The following IRAG1 variants were observed in gnomAD, a reference collection of about 807,000 sequenced individuals.
IRAG1 encodes the protein IP3R-associated cGMP kinase substrate.
Under a neutral mutation model 106.2 loss-of-function variants are expected in IRAG1, and 62 were observed. The ratio of observed to expected loss-of-function variants is 0.58; its 90% CI spans 0.48 to 0.72. The LOEUF is 0.72. IRAG1 is among the 30% of genes least tolerant of loss of function. The probability of loss-of-function intolerance (pLI) is 0.00; values close to 1 mark genes in which losing one functional copy is unlikely to be tolerated. For missense variants in IRAG1, 1,064 were observed against 1,140.7 expected (o/e 0.93, Z 0.97); for synonymous variants, 462 against 443.9 (o/e 1.04, Z -0.51).
chr11:10,584,409 C>T (rs959091802), intron 18 of IRAG1, among the ~76,000 whole-genome samples: 2 of 152,066 alleles, frequency 1.3e-5, no homozygotes, highest in Non-Finnish European at 1.5e-5. Flanking sequence ...CATAACATTT[C>T]TCCTTTTGCA....
chr11:10,616,290 CA>C (rs71034776), intron 10 of IRAG1, among the ~76,000 whole-genome samples: 1,779 of 117,312 alleles, frequency 0.015, 14 homozygotes, highest in Middle Eastern at 0.022. Flanking sequence ...GACTCCATCT[CA>C]AAAAAAAAAA....
intron 10 of IRAG1, among the ~76,000 whole-genome samples, chr11:10,611,288 G>A (rs535831451): frequency 1.3e-5 from 2 of 152,052 alleles, no homozygotes; most frequent in Non-Finnish European, 2.9e-5. Flanking sequence ...GTTCTGTCCT[G>A]GTATTTATAG....
At chr11:10,584,130 A>G (rs375637423) in intron 18 of IRAG1, among the ~76,000 whole-genome samples, 295 of 152,248 alleles carry the variant, frequency 1.9e-3, no homozygotes, top group African/African-American at 6.6e-3. Context: ...CTGATTCCCA[A>G]TGGGAGCAAT....
In IRAG1 at chr11:10,680,413, G is replaced by GAAA. The variant is rs1491246284; in HGVS notation, c.67+13122_67+13123insTTT. ...GGAAGGAAGGAAGGAAGGAAAGAAA[G>GAAA]GGAAAGAAAGAAAGAGAGGGAAGGA... On this transcript the variant is annotated intron_variant, in intron 1 of 20. Coordinates refer to ENST00000423302, the MANE Select transcript of IRAG1 (RefSeq NM_130385.4). 1.3e-3 allele frequency among the ~76,000 whole-genome samples: 83 copies of GAAA among 65,696 alleles called. 1 individual carries two copies. The highest frequency in any genetic ancestry group is 2.7e-3 in the African/African-American group (36 of 13,476). The allele number at this position is 65,696 out of a possible 152,430, so 43.1% of individuals were successfully genotyped here.
At position 10,659,195 on chromosome 11, in the gene IRAG1, C is replaced by T. The variant is rs1049386370; in HGVS notation, c.68-7013G>A. ...ACATGAGGCCTAGTGTGGAATCCCT[C>T]CTGGAAGAGAGCCAGCCACAGTGTC... On this transcript the variant is annotated intron_variant, in intron 1 of 20. Coordinates refer to ENST00000423302, the MANE Select transcript of IRAG1 (RefSeq NM_130385.4). The surrounding 1 kb of genome is among the most constrained non-coding windows in gnomAD (Gnocchi z 4.1). 6.6e-6 allele frequency among the ~76,000 whole-genome samples: 1 copy of T among 152,202 alleles called. No homozygotes were observed.
intron 1 of IRAG1, among the ~76,000 whole-genome samples, chr11:10,667,624 G>T (rs1859889598): frequency 6.6e-6 from 1 of 152,148 alleles, no homozygotes; most frequent in South Asian, 2.1e-4. Context: ...TAGGTGGAGG[G>T]TGGTTCTCCT....
chr11:10,645,156 T>C lies in IRAG1; in HGVS notation c.225+6869A>G, dbSNP rs190445927. On this transcript the variant is annotated intron_variant, in intron 2 of 20. Coordinates refer to ENST00000423302, the MANE Select transcript of IRAG1 (RefSeq NM_130385.4). ...ATTTATTGAGCAAATTCAATAAACA[T>C]TGACTGAGTAAATGTACTTCAATTC... Among the ~76,000 whole-genome samples, 5 of 152,330 alleles carry C rather than the reference T, an allele frequency of 3.3e-5. No individual in the cohort carries two copies. In the East Asian group the frequency reaches 7.7e-4, roughly 23 times the overall value.
chr11:10,680,010 G>A (rs950370395), intron 1 of IRAG1, among the ~76,000 whole-genome samples: 1 of 151,908 alleles, frequency 6.6e-6, no homozygotes, highest in South Asian at 2.1e-4. Flanking sequence ...ACAGTGGCTC[G>A]CACCTCTAAT....
Position 10,627,806 on chromosome 11 carries a change from C to T in IRAG1, c.706-46G>A, listed in dbSNP as rs11042899. The T allele has an allele frequency of 9.0e-3, 14,587 of 1,612,416 alleles. 1,095 individuals carry two copies. The African/African-American group carries it at 0.17, about 18-fold the overall frequency. On this transcript the variant is annotated intron_variant, in intron 7 of 20. Transcript: ENST00000423302. Reference sequence around the variant, plus strand: ...GAGTCAGTCAGCAATGGGAAGAGACCGTGTTTCCTCTTGAAATATCCCCAA... The same window carrying T: ...GAGTCAGTCAGCAATGGGAAGAGACTGTGTTTCCTCTTGAAATATCCCCAA...
chr11:10,602,759 G>C (rs1854139457), intron 14 of IRAG1, among the ~76,000 whole-genome samples: 1 of 152,180 alleles, frequency 6.6e-6, no homozygotes, highest in Admixed American at 6.5e-5. Context: ...GGAGAGCTGT[G>C]GGGGGAATTC....
chr11:10,641,664 G>C (rs1323460523), intron 2 of IRAG1, among the ~76,000 whole-genome samples: 1 of 152,190 alleles, frequency 6.6e-6, no homozygotes, highest in Non-Finnish European at 1.5e-5. Flanking sequence ...AACTCAGTGG[G>C]TAAACCTGAG....
At chr11:10,583,585 A>T (rs1222846859) in intron 18 of IRAG1, among the ~76,000 whole-genome samples, 2 of 152,200 alleles carry the variant, frequency 1.3e-5, no homozygotes, top group Admixed American at 1.3e-4. Flanking sequence ...CCACAGACAC[A>T]GCAATTCGAG....
At position 10,656,118 on chromosome 11, in the gene IRAG1, G is replaced by A. The variant is rs539741714; in HGVS notation, c.68-3936C>T. Among the ~76,000 whole-genome samples the A allele has an allele frequency of 4.6e-5, 7 of 152,336 alleles. 1 individual carries two copies. In the South Asian group the frequency reaches 1.0e-3, roughly 23 times the overall value. On this transcript the variant is annotated intron_variant, in intron 1 of 20. Transcript: ENST00000423302. ...GCACACGGACCTCACATCCATCACT[G>A]CAAAGTTTAGAATATAATCTCCAGG... is the stretch of plus-strand genomic sequence containing the variant.
chr11:10,632,393 C>T (rs553178915), intron 3 of IRAG1, among the ~76,000 whole-genome samples: 2 of 152,224 alleles, frequency 1.3e-5, no homozygotes, highest in East Asian at 3.9e-4. Context: ...ACCATGTCAG[C>T]CAGGCTGGTC....
chr11:10,593,454 A>T, intron 17 of IRAG1, 38 bp downstream of exon 17: 1 of 1,561,678 alleles, frequency 6.4e-7, no homozygotes, highest in Non-Finnish European at 8.8e-7. Flanking sequence ...AGGTTATTCT[A>T]CTATTCTGTG....
chr11:10,643,176 C>CAAAAAAAAAAA (rs10679269), intron 2 of IRAG1, among the ~76,000 whole-genome samples: 3 of 60,250 alleles, frequency 5.0e-5, no homozygotes, highest in African/African-American at 7.4e-5. Context: ...GACTCCGTCT[C>CAAAAAAAAAAA]AAAAAAAAAA....
rs1378937967 is a variant in IRAG1 at position 10,652,111 on chromosome 11, A to T, written c.139T>A (p.Ser47Thr). 6.2e-7 allele frequency: 1 copy of T among 1,610,384 alleles called. No individual in the cohort carries two copies. Among genetic ancestry groups the T allele is most frequent in the Non-Finnish European group, 8.5e-7 (1 of 1,178,600 alleles). Residue 47 changes from serine to threonine, a missense_variant, in exon 2 of 21, where the codon TCC becomes ACC. Coordinates refer to ENST00000423302, the MANE Select transcript of IRAG1 (RefSeq NM_130385.4). The part of the protein sequence containing the change: ...AAEVPGTRGH[S>T]QQEAAMPHIP... ...TGGGGCATGGCAGCCTCCTGCTGGGAGTGGCCACGTGTGCCCGGAACCTCC... is the reference window on the plus strand; with the variant it reads ...TGGGGCATGGCAGCCTCCTGCTGGGTGTGGCCACGTGTGCCCGGAACCTCC...
At chr11:10,693,343 T>A in intron 1 of IRAG1, 193 bp downstream of exon 1, 1 of 1,128,222 alleles carries the variant, frequency 8.9e-7, no homozygotes. Flanking sequence ...CTGGCAAGAT[T>A]CACTTCTGAT....
In IRAG1 at chr11:10,574,351, T is replaced by C. The variant is rs1236192383; in HGVS notation, c.*1981A>G. The stretch of plus-strand genomic sequence containing the variant: ...TGTTTGCTTGTTCTTTTGAGCAACA[T>C]TTAATGACACCCTCCCAAGCGTCAG... On this transcript the variant is annotated 3_prime_UTR_variant, in exon 21 of 21. Transcript: ENST00000423302. 1 of 152,194 alleles carries C rather than the reference T, an allele frequency of 6.6e-6. No individual in the cohort carries two copies. The highest frequency in any genetic ancestry group is 1.5e-5 in the Non-Finnish European group (1 of 68,030). 9.4% of individuals were successfully genotyped at this position (152,194 alleles called of 1,614,324 possible).
Sources: allele counts gnomAD v4.1 joint callset (sites outside exome capture counted in the v4.1 genomes callset), GRCh38; gene constraint gnomAD v4.1.1; non-coding constraint Gnocchi (gnomAD v3.1); transcripts MANE v1.5; gene names NCBI Gene and HGNC (gene_info 2026-07-23, HGNC 2026-07-21).